SORCS1: variants seen among roughly 807,000 people sequenced by gnomAD.
The protein encoded by SORCS1 is sortilin related VPS10 domain containing receptor 1.
Under a neutral mutation model 146.1 loss-of-function variants are expected in SORCS1, and 60 were observed. The ratio of observed to expected loss-of-function variants is 0.41; its 90% CI spans 0.33 to 0.51. The LOEUF (loss-of-function observed/expected upper bound fraction) is 0.51. Ranked by LOEUF, SORCS1 falls within the 20% of genes least tolerant of loss-of-function variation. SORCS1 has a pLI of 0.21. For missense variants in SORCS1, 1,352 were observed against 1,487.6 expected, an observed-to-expected ratio of 0.91 and a Z score of 1.50; for synonymous variants, 637 against 584.0, an observed-to-expected ratio of 1.09 and a Z score of -1.31.
intron 1 of SORCS1, among the ~76,000 whole-genome samples, chr10:106,995,472 G>C (rs1453084577): frequency 6.6e-6 from 1 of 152,106 alleles, no homozygotes; most frequent in Admixed American, 6.5e-5. Context: ...GCTATGCTCT[G>C]GCATGGATTA....
chr10:106,603,876 G>T (rs769731413), intron 23 of SORCS1, among the ~76,000 whole-genome samples: 2 of 152,108 alleles, frequency 1.3e-5, no homozygotes, highest in Non-Finnish European at 2.9e-5. Flanking sequence ...TCTAGTCTTG[G>T]TCCATTTGGT....
At chr10:106,782,937 C>T (rs985530875) in intron 3 of SORCS1, among the ~76,000 whole-genome samples, 1 of 152,168 alleles carries the variant, frequency 6.6e-6, no homozygotes, top group Non-Finnish European at 1.5e-5. Context: ...TGAATGTGTA[C>T]TTTTCCTCAC....
intron 7 of SORCS1, among the ~76,000 whole-genome samples, chr10:106,708,190 T>C (rs974970627): frequency 6.6e-6 from 1 of 152,126 alleles, no homozygotes; most frequent in Non-Finnish European, 1.5e-5. Flanking sequence ...ATTGACAACT[T>C]GATGCTGAAA....
upstream of SORCS1, among the ~76,000 whole-genome samples, chr10:107,166,123 A>G (rs930200844): frequency 1.3e-5 from 2 of 152,192 alleles, no homozygotes; most frequent in Non-Finnish European, 2.9e-5. Context: ...ACATTATTTA[A>G]TGAATATTTA....
At chr10:106,842,145 T>G (rs1383790643) in intron 2 of SORCS1, among the ~76,000 whole-genome samples, 1 of 152,218 alleles carries the variant, frequency 6.6e-6, no homozygotes, top group Non-Finnish European at 1.5e-5. Flanking sequence ...GCGTATCATT[T>G]TTTTTATTTG....
intron 3 of SORCS1, among the ~76,000 whole-genome samples, chr10:106,784,392 CAAAA>C (rs149140867): frequency 2.9e-5 from 3 of 102,232 alleles, no homozygotes; most frequent in Non-Finnish European, 6.0e-5. Context: ...GAGACTCCGT[CAAAA>C]AAAAAAAAAA....
At chr10:106,686,750 T>G (rs1010607382) in intron 10 of SORCS1, among the ~76,000 whole-genome samples, 1 of 152,170 alleles carries the variant, frequency 6.6e-6, no homozygotes, top group African/African-American at 2.4e-5. Context: ...CAGTGACAAC[T>G]GTGATATCCT....
chr10:107,003,224 C>T (rs552010593), intron 1 of SORCS1, among the ~76,000 whole-genome samples: 11 of 151,906 alleles, frequency 7.2e-5, no homozygotes, highest in East Asian at 5.8e-4. Context: ...CACTGCACTC[C>T]AGCCTGGGCC....
chr10:106,656,487 C>A (rs988069953), intron 17 of SORCS1, among the ~76,000 whole-genome samples: 1 of 151,902 alleles, frequency 6.6e-6, no homozygotes, highest in Non-Finnish European at 1.5e-5. Flanking sequence ...ACCTGGGAGG[C>A]GGAGCTTGCA....
At chr10:106,841,071 G>C (rs1949016908) in intron 2 of SORCS1, among the ~76,000 whole-genome samples, 1 of 151,602 alleles carries the variant, frequency 6.6e-6, no homozygotes, top group African/African-American at 2.4e-5. Flanking sequence ...GGCCAAGATG[G>C]TCTAGATCTC....
chr10:106,587,770 G>A (rs1273925373), intron 24 of SORCS1, among the ~76,000 whole-genome samples: 4 of 152,168 alleles, frequency 2.6e-5, no homozygotes, highest in African/African-American at 9.7e-5. Flanking sequence ...CAGTTTTCCT[G>A]AACCGAGCAG....
chr10:106,896,633 G>T (rs915599206), intron 2 of SORCS1, among the ~76,000 whole-genome samples: 1 of 151,566 alleles, frequency 6.6e-6, no homozygotes, highest in African/African-American at 2.4e-5. Context: ...AATTAAGATG[G>T]TTAATTTTAG....
intron 18 of SORCS1, among the ~76,000 whole-genome samples, chr10:106,631,973 T>C (rs1039925365): frequency 5.9e-5 from 9 of 152,308 alleles, no homozygotes; most frequent in Admixed American, 5.9e-4. Flanking sequence ...GTGTATATAA[T>C]GGGTGAAAGG....
chr10:106,980,075 C>T (rs1193548661), intron 1 of SORCS1, among the ~76,000 whole-genome samples: 1 of 152,142 alleles, frequency 6.6e-6, no homozygotes, highest in Non-Finnish European at 1.5e-5. Flanking sequence ...GACTCTAGAG[C>T]AATTTCCAAA....
At chr10:106,723,905 C>CA (rs909141759) in intron 6 of SORCS1, among the ~76,000 whole-genome samples, 10 of 150,700 alleles carry the variant, frequency 6.6e-5, no homozygotes, top group Non-Finnish European at 1.0e-4. Flanking sequence ...CAGAATAGAC[C>CA]AAAAAAAACT....
chr10:107,061,000 A>G lies in SORCS1; in HGVS notation c.558+102969T>C, dbSNP rs1436188712. Among the ~76,000 whole-genome samples, 2 of 152,194 alleles carry G rather than the reference A, an allele frequency of 1.3e-5. No individual in the cohort carries two copies. Among genetic ancestry groups the G allele is most frequent in the African/African-American group, 2.4e-5 (1 of 41,460 alleles). On this transcript the variant is annotated intron_variant, in intron 1 of 25. Coordinates refer to ENST00000263054, the MANE Select transcript of SORCS1 (RefSeq NM_052918.5). The surrounding 1 kb of genome is among the most constrained non-coding windows in gnomAD (Gnocchi z 4.1). The stretch of plus-strand genomic sequence containing the variant: ...TCTTCTGTTTCTACTCCAGCCAGAT[A>G]TATCTATGAGTAAAAAATAACAGTA...
chr10:107,173,883 T>G, the SORCS1 span, among the ~76,000 whole-genome samples: 18 of 152,336 alleles, frequency 1.2e-4, no homozygotes, highest in Non-Finnish European at 2.4e-4. Context: ...TTTTCTATTC[T>G]CCTTAATGCA....
At chr10:106,605,347 A>G (rs144170179) in intron 23 of SORCS1, among the ~76,000 whole-genome samples, 91 of 152,358 alleles carry the variant, frequency 6.0e-4, no homozygotes, top group Admixed American at 1.3e-3. Context: ...CCCTCAAATA[A>G]TGATGTAGAA....
chr10:106,773,676 G>A (rs368877444), intron 4 of SORCS1, among the ~76,000 whole-genome samples: 1 of 152,170 alleles, frequency 6.6e-6, no homozygotes, highest in African/African-American at 2.4e-5. Flanking sequence ...CTGGCTGGGC[G>A]TGGTGGCTCA....
Sources: allele counts gnomAD v4.1 joint callset (sites outside exome capture counted in the v4.1 genomes callset), GRCh38; gene constraint gnomAD v4.1.1; non-coding constraint Gnocchi (gnomAD v3.1); transcripts MANE v1.5; gene names NCBI Gene and HGNC (gene_info 2026-07-23, HGNC 2026-07-21).